PAPOLG: variants seen among roughly 807,000 people sequenced by gnomAD.
PAPOLG encodes poly(A) polymerase gamma, also known as PAP-gamma.
A neutral mutation model predicts 99.0 loss-of-function variants in PAPOLG; 40 were observed. That is an observed-to-expected ratio of 0.40 (90% CI 0.31 to 0.53). PAPOLG has a LOEUF of 0.53. Among genes scored for constraint, PAPOLG ranks in the 20% least tolerant of loss-of-function variants. PAPOLG has a pLI of 0.41. For synonymous variants in PAPOLG, 310 were observed against 299.3 expected (o/e 1.04, Z -0.37); for missense variants, 675 against 884.1 (o/e 0.76, Z 3.00).
intron 17 of PAPOLG, among the ~76,000 whole-genome samples, chr2:60,792,608 G>T (rs1487048704): frequency 6.6e-6 from 1 of 152,192 alleles, no homozygotes; most frequent in Non-Finnish European, 1.5e-5. Context: ...TGAGCCAACA[G>T]TTGTGGCCAG....
Position 60,800,250 on chromosome 2 carries a change from A to T in PAPOLG, c.*3090A>T, listed in dbSNP as rs968821049. On this transcript the variant is annotated 3_prime_UTR_variant, in exon 22 of 22. Coordinates refer to ENST00000238714, the MANE Select transcript of PAPOLG (RefSeq NM_022894.4). ...ACCCAGTCTGGAGCACAGTGGCATG[A>T]TCTCACCTCACTGCAACCTCTGCCT... is the stretch of plus-strand genomic sequence containing the variant. 4.6e-5 allele frequency: 7 copies of T among 152,154 alleles called. No individual in the cohort carries two copies. The highest frequency in any genetic ancestry group is 1.0e-4 in the Non-Finnish European group (7 of 68,060). The allele number at this position is 152,154 out of a possible 1,614,324, so 9.4% of individuals were successfully genotyped here.
intron 3 of PAPOLG, among the ~76,000 whole-genome samples, chr2:60,762,512 T>G (rs1413235075): frequency 6.6e-6 from 1 of 152,318 alleles, no homozygotes; most frequent in South Asian, 2.1e-4. Context: ...CATGTTACCT[T>G]TTCAGATCCT....
At position 60,799,179 on chromosome 2, in the gene PAPOLG, T is replaced by C. The variant is rs754946897; in HGVS notation, c.*2019T>C. ...ATTTCTGCATTTCATATCTTTTGCT[T>C]TTAAATCAGCCTTCAAAGTATCTTT... On this transcript the variant is annotated 3_prime_UTR_variant, in exon 22 of 22. Coordinates refer to ENST00000238714, the MANE Select transcript of PAPOLG (RefSeq NM_022894.4). 2.0e-5 allele frequency: 3 copies of C among 152,408 alleles called. No individual in the cohort carries two copies. The highest frequency in any genetic ancestry group is 2.9e-5 in the Non-Finnish European group (2 of 68,050). 9.4% of individuals were successfully genotyped at this position (152,408 alleles called of 1,614,324 possible).
At chr2:60,767,118 A>C (rs1670699979) in intron 3 of PAPOLG, among the ~76,000 whole-genome samples, 1 of 152,190 alleles carries the variant, frequency 6.6e-6, no homozygotes, top group Non-Finnish European at 1.5e-5. Context: ...GAGGGATATA[A>C]GCTAAGAATT....
chr2:60,781,648 A>G (rs1217975838), intron 10 of PAPOLG, among the ~76,000 whole-genome samples: 1 of 152,232 alleles, frequency 6.6e-6, no homozygotes, highest in Non-Finnish European at 1.5e-5. Context: ...TAAGATGCAC[A>G]TCAATTTAAC....
intron 19 of PAPOLG, 179 bp from the exon 20 acceptor site, chr2:60,794,531 C>A: frequency 1.6e-6 from 1 of 621,008 alleles, no homozygotes; most frequent in Non-Finnish European, 2.7e-6. Context: ...ATCACCCAAA[C>A]TGTAGAAATT....
rs1671556044 is a variant in PAPOLG, at chr2:60,792,136, T to C, written c.1526T>C (p.Leu509Pro). 6.3e-7 allele frequency: 1 copy of C among 1,578,948 alleles called. No individual in the cohort carries two copies. Among genetic ancestry groups the C allele is most frequent in the Non-Finnish European group, 8.6e-7 (1 of 1,169,018 alleles). ...EILQKKKKQS[L>P]SDVNRSSGGL... ...ATCGTTCCCTTCTTTCAGCAAAGTC[T>C]CTCTGATGTCAATCGAAGCTCGGGC... Residue 509 changes from leucine (L) to proline (P), a missense_variant, in exon 17 of 22, where the codon CTC (leucine) becomes CCC (proline). This residue lies in a region of PAPOLG where 413 missense variants were observed against 460.5 expected (regional missense o/e 0.90). Coordinates refer to ENST00000238714, the MANE Select transcript of PAPOLG (RefSeq NM_022894.4).
Position 60,802,031 on chromosome 2 carries a change from A to C in PAPOLG, c.*4871A>C, listed in dbSNP as rs1230018295. ...ATTGTCTGATTTCTTAGTTGTACAC[A>C]TGAACCTCATTATTTGCCTGGAATA... On this transcript the variant is annotated 3_prime_UTR_variant, in exon 22 of 22. Coordinates refer to ENST00000238714, the MANE Select transcript of PAPOLG (RefSeq NM_022894.4). 1.3e-5 allele frequency: 2 copies of C among 152,364 alleles called. No individual in the cohort carries two copies. Among genetic ancestry groups the C allele is most frequent in the Admixed American group, 6.5e-5 (1 of 15,278 alleles). 9.4% of individuals were successfully genotyped at this position (152,364 alleles called of 1,614,324 possible). A position where few individuals can be genotyped will look rare whatever the true frequency, so the allele number is the denominator to read the frequency against.
chr2:60,795,439 A>G, intron 21 of PAPOLG: 1 of 298,200 alleles, frequency 3.4e-6, no homozygotes, highest in Non-Finnish European at 6.7e-6. Context: ...AGTGGTATAT[A>G]TAGTAAGTAC....
At chr2:60,786,046 G>A (rs544541545) in intron 13 of PAPOLG, among the ~76,000 whole-genome samples, 31 of 152,060 alleles carry the variant, frequency 2.0e-4, no homozygotes, top group East Asian at 5.8e-4. Context: ...CTACAATGGC[G>A]TTTTAAATGG....
Position 60,794,037 on chromosome 2 carries a change from G to T in PAPOLG, c.1835G>T (p.Arg612Leu). Residue 612 changes from arginine to leucine, a missense_variant, in exon 19 of 22, where the codon CGA becomes CTA. Around this residue, in one of 3 missense-constraint regions of PAPOLG, gnomAD observed 413 missense variants for 460.5 expected, o/e 0.90. Coordinates refer to ENST00000238714, the MANE Select transcript of PAPOLG (RefSeq NM_022894.4). ...TGTACCATTCCTACCGTAGTAGGAC[G>T]AAATGTCATTCCTAGAATCACAACA... Reference protein sequence around the residue: ...TVCTIPTVVGRNVIPRITTPH... With the variant: ...TVCTIPTVVGLNVIPRITTPH... 1.9e-6 allele frequency: 3 copies of T among 1,613,898 alleles called. No individual in the cohort carries two copies. Among genetic ancestry groups the T allele is most frequent in the Non-Finnish European group, 2.5e-6 (3 of 1,179,848 alleles).
At chr2:60,783,351 A>T in intron 13 of PAPOLG, 142 bp downstream of exon 13, 1 of 430,276 alleles carries the variant, frequency 2.3e-6, no homozygotes, top group Non-Finnish European at 3.8e-6. Context: ...TTTTGAGACA[A>T]AGTCTCTGTT....
intron 3 of PAPOLG, among the ~76,000 whole-genome samples, chr2:60,763,411 T>TC (rs1476356155): frequency 2.0e-5 from 3 of 152,040 alleles, no homozygotes; most frequent in South Asian, 2.1e-4. Context: ...TATGGCTTTT[T>TC]CCCCCCAGTA....
intron 21 of PAPOLG, chr2:60,795,286 AAAG>A (rs1176841450): frequency 1.7e-6 from 1 of 582,744 alleles, no homozygotes; most frequent in Non-Finnish European, 3.2e-6. Flanking sequence ...TTTTATCTTT[AAAG>A]AAGCAGTTGG....
Position 60,756,414 on chromosome 2 carries a change from A to G in PAPOLG, c.-65A>G. The G allele has an allele frequency of 6.2e-7, 1 of 1,608,386 alleles. No homozygotes were observed. The highest frequency in any genetic ancestry group is 1.1e-5 in the South Asian group (1 of 90,950). On this transcript the variant is annotated 5_prime_UTR_variant, in exon 1 of 22. Transcript: ENST00000238714. ...CCGGAGGAAAGTGAACAGGGGGAGA[A>G]GGGAACAGCAAGAACAGGACTCCAG...
intron 1 of PAPOLG, 121 bp downstream of exon 1, chr2:60,756,616 T>A: frequency 8.9e-6 from 10 of 1,121,356 alleles, no homozygotes; most frequent in Non-Finnish European, 1.2e-5. Flanking sequence ...CGGGATGGTC[T>A]CCTTCCCGGC....
At chr2:60,761,051 G>A (rs1308144853) in intron 2 of PAPOLG, among the ~76,000 whole-genome samples, 2 of 152,138 alleles carry the variant, frequency 1.3e-5, no homozygotes, top group Non-Finnish European at 2.9e-5. Flanking sequence ...TTTAAAGGTA[G>A]GGTTCTTAGG....
At chr2:60,794,360 A>G (rs189062378) in intron 19 of PAPOLG, 169 bp downstream of exon 19, 3 of 716,932 alleles carry the variant, frequency 4.2e-6, no homozygotes, top group African/African-American at 3.6e-5. Context: ...TGAAATTACT[A>G]ATACGTCTGA....
intron 15 of PAPOLG, among the ~76,000 whole-genome samples, chr2:60,789,995 A>G (rs1671481759): frequency 6.6e-6 from 1 of 152,162 alleles, no homozygotes; most frequent in South Asian, 2.1e-4. Context: ...TCCAGAGGCT[A>G]AGGCAGGAGA....
Sources: allele counts gnomAD v4.1 joint callset (sites outside exome capture counted in the v4.1 genomes callset), GRCh38; gene constraint gnomAD v4.1.1; regional missense constraint gnomAD v4.1.1; transcripts MANE v1.5; gene names NCBI Gene and HGNC (gene_info 2026-07-23, HGNC 2026-07-21).